The following ACTR3C variants were observed in gnomAD, a reference collection of about 807,000 sequenced individuals.
ACTR3C encodes the protein actin related protein 3C.
Under a neutral mutation model 26.3 loss-of-function variants are expected in ACTR3C, and 18 were observed. The ratio of observed to expected loss-of-function variants is 0.68; its 90% CI spans 0.47 to 1.01. ACTR3C has a LOEUF of 1.01. Among genes scored for constraint, ACTR3C ranks in the 50% least tolerant of loss-of-function variants. ACTR3C has a pLI of 0.00. For synonymous variants in ACTR3C, 55 were observed against 94.5 expected, an observed-to-expected ratio of 0.58 and a Z score of 2.42; for missense variants, 184 against 250.7, an observed-to-expected ratio of 0.73 and a Z score of 1.80.
the ACTR3C span, among the ~76,000 whole-genome samples, chr7:150,120,190 C>A: frequency 6.6e-6 from 1 of 152,088 alleles, no homozygotes; most frequent in African/African-American, 2.4e-5. Context: ...AAAGCAAGAG[C>A]AAACACATTC....
the ACTR3C span, among the ~76,000 whole-genome samples, chr7:150,012,400 T>C: frequency 1.3e-5 from 2 of 151,234 alleles, no homozygotes; most frequent in East Asian, 1.9e-4. Flanking sequence ...CTGCAAGCTC[T>C]GCCTCCCGGG....
At chr7:149,960,168 T>C in the ACTR3C span, among the ~76,000 whole-genome samples, 1 of 152,088 alleles carries the variant, frequency 6.6e-6, no homozygotes, top group Non-Finnish European at 1.5e-5. Flanking sequence ...GTTCTTTATC[T>C]TCCTAAAGAA....
the ACTR3C span, among the ~76,000 whole-genome samples, chr7:149,973,163 C>T: frequency 5.2e-3 from 790 of 152,308 alleles, 10 homozygotes; most frequent in African/African-American, 0.018. Context: ...TGTGAGCAGG[C>T]GGCACATCTG....
At chr7:149,967,069 C>G in the ACTR3C span, among the ~76,000 whole-genome samples, 3 of 113,600 alleles carry the variant, frequency 2.6e-5, no homozygotes, top group East Asian at 2.7e-4. Context: ...GAATCTCGCT[C>G]TGTCACCCAG....
the ACTR3C span, among the ~76,000 whole-genome samples, chr7:150,049,420 C>A: frequency 2.6e-5 from 4 of 152,282 alleles, no homozygotes; most frequent in Admixed American, 6.5e-5. Flanking sequence ...GTGAGACCCG[C>A]CCCTGCCCAT....
At chr7:150,123,555 T>C in the ACTR3C span, among the ~76,000 whole-genome samples, 1,211 of 150,806 alleles carry the variant, frequency 8.0e-3, 16 homozygotes, top group African/African-American at 0.027. Flanking sequence ...TCAAATTTTG[T>C]AATAAAAGCT....
At chr7:150,072,586 T>C in the ACTR3C span, among the ~76,000 whole-genome samples, 1 of 144,266 alleles carries the variant, frequency 6.9e-6, no homozygotes, top group East Asian at 2.2e-4. Flanking sequence ...GGGCAGCCCA[T>C]GGGAGCACCG....
chr7:149,947,325 G>C, the ACTR3C span, among the ~76,000 whole-genome samples: 68 of 118,790 alleles, frequency 5.7e-4, 1 homozygote, highest in African/African-American at 2.6e-3. Context: ...GGCCTAAAAT[G>C]CTCTCGGTGG....
chr7:150,012,355 C>T, the ACTR3C span, among the ~76,000 whole-genome samples: 1 of 140,232 alleles, frequency 7.1e-6, no homozygotes, highest in African/African-American at 2.7e-5. Flanking sequence ...CGCTCTGTCG[C>T]CCAGGCTGGA....
the ACTR3C span, among the ~76,000 whole-genome samples, chr7:150,029,495 A>G: frequency 6.6e-6 from 1 of 151,672 alleles, no homozygotes; most frequent in Non-Finnish European, 1.5e-5. Flanking sequence ...TGAGCCCAGG[A>G]GTTCGAGGTT....
the ACTR3C span, chr7:150,002,963 C>G: frequency 6.6e-6 from 1 of 152,364 alleles, no homozygotes; most frequent in African/African-American, 2.4e-5. Flanking sequence ...ACACGTGCCA[C>G]ACAGCCATGC....
chr7:150,102,305 A>G, the ACTR3C span, among the ~76,000 whole-genome samples: 2 of 151,870 alleles, frequency 1.3e-5, no homozygotes, highest in African/African-American at 2.4e-5. Context: ...AAACAATGTC[A>G]GTGGTTGCTG....
chr7:150,158,919 G>A, the ACTR3C span, among the ~76,000 whole-genome samples: 4 of 145,364 alleles, frequency 2.8e-5, no homozygotes, highest in South Asian at 8.8e-4. Context: ...ACACACACGT[G>A]CACACACATG....
the ACTR3C span, among the ~76,000 whole-genome samples, chr7:150,042,577 G>T: frequency 6.9e-6 from 1 of 145,276 alleles, no homozygotes; most frequent in African/African-American, 2.8e-5. Context: ...CCCGCCTCGC[G>T]GGGGGTGCCT....
chr7:150,086,985 T>G, the ACTR3C span, among the ~76,000 whole-genome samples: 8,258 of 152,102 alleles, frequency 0.054, 662 homozygotes, highest in African/African-American at 0.19. Context: ...ATTATTTCCC[T>G]GTGCAATCCT....
chr7:149,913,885 C>CTAA, the ACTR3C span, among the ~76,000 whole-genome samples: 464 of 74,640 alleles, frequency 6.2e-3, 6 homozygotes, highest in Middle Eastern at 0.024. Context: ...CTCATATGTC[C>CTAA]CTTTTTTTTT....
intron 1 of ACTR3C, among the ~76,000 whole-genome samples, chr7:150,321,829 C>G (rs1329345837): frequency 6.6e-6 from 1 of 152,182 alleles, no homozygotes. Flanking sequence ...GTAGCCCAAG[C>G]TGGAGAACTA....
chr7:150,171,298 A>G, the ACTR3C span, among the ~76,000 whole-genome samples: 14 of 149,676 alleles, frequency 9.4e-5, no homozygotes, highest in Admixed American at 6.6e-5. Flanking sequence ...AATAAATTAA[A>G]AATTTATAAC....
At chr7:150,313,115 C>T (rs900062780) in intron 1 of ACTR3C, among the ~76,000 whole-genome samples, 1 of 152,204 alleles carries the variant, frequency 6.6e-6, no homozygotes, top group Non-Finnish European at 1.5e-5. Flanking sequence ...TATATAACCA[C>T]CTTTAACTGT....
Sources: allele counts gnomAD v4.1 joint callset (sites outside exome capture counted in the v4.1 genomes callset), GRCh38; gene constraint gnomAD v4.1.1; transcripts MANE v1.5; gene names NCBI Gene and HGNC (gene_info 2026-07-23, HGNC 2026-07-21).